FSTL5: variants seen among roughly 807,000 people sequenced by gnomAD.
FSTL5 encodes the protein follistatin like 5.
A neutral mutation model predicts 89.1 loss-of-function variants in FSTL5; 62 were observed. That is an observed-to-expected ratio of 0.70 (90% confidence interval 0.57 to 0.86). The LOEUF (loss-of-function observed/expected upper bound fraction) is 0.86, where lower values mean the gene tolerates loss of function less well. Ranked by LOEUF, FSTL5 falls within the 40% of genes least tolerant of loss-of-function variation. The pLI, the probability that FSTL5 is intolerant of heterozygous loss-of-function variation, is 0.00. For synonymous variants in FSTL5, 383 were observed against 346.2 expected (o/e 1.11, Z -1.18); for missense variants, 1,057 against 1,001.6 (o/e 1.06, Z -0.75).
intron 3 of FSTL5, among the ~76,000 whole-genome samples, chr4:161,979,875 T>A (rs573606903): frequency 6.6e-6 from 1 of 152,254 alleles, no homozygotes; most frequent in Non-Finnish European, 1.5e-5. Context: ...AATGAGTGAC[T>A]GTTTCTTGGT....
intron 12 of FSTL5, among the ~76,000 whole-genome samples, chr4:161,488,894 G>A (rs1578872887): frequency 6.6e-6 from 1 of 152,002 alleles, no homozygotes; most frequent in Non-Finnish European, 1.5e-5. Context: ...TGCATATAGG[G>A]CAAGGAGAAT....
chr4:161,569,758 A>AAC lies in FSTL5; in HGVS notation c.1015+17695_1015+17696dup, dbSNP rs56387876. Among the ~76,000 whole-genome samples the AAC allele has an allele frequency of 5.9e-3, 793 of 134,404 alleles. 4 individuals carry two copies. The highest frequency in any genetic ancestry group is 0.01 in the African/African-American group (356 of 34,202). 88.2% of individuals were successfully genotyped at this position (134,404 alleles called of 152,430 possible). On this transcript the variant is annotated intron_variant, in intron 8 of 15. Coordinates refer to ENST00000306100, the MANE Select transcript of FSTL5 (RefSeq NM_020116.5). Reference sequence around the variant, plus strand: ...ATGAGATCTTTAAGTCCAACACACAAACACACACACACACACACACACACA... The same window carrying AAC: ...ATGAGATCTTTAAGTCCAACACACAAACACACACACACACACACACACACACA...
At chr4:162,098,268 A>C (rs1026152327) in intron 2 of FSTL5, among the ~76,000 whole-genome samples, 1 of 151,990 alleles carries the variant, frequency 6.6e-6, no homozygotes, top group African/African-American at 2.4e-5. Context: ...AACAGATAAA[A>C]CTATATCATG....
intron 8 of FSTL5, among the ~76,000 whole-genome samples, chr4:161,558,882 CAT>C (rs1732486954): frequency 6.6e-6 from 1 of 151,856 alleles, no homozygotes; most frequent in South Asian, 2.1e-4. Flanking sequence ...TTTATGGCAA[CAT>C]ATTTATTATC....
At position 162,153,687 on chromosome 4, in the gene FSTL5, A is replaced by AATATATGTATATTATATATGTAT. The variant is rs1561048877; in HGVS notation, c.-17+9927_-17+9928insATACATATATAATATACATATAT. 7.5e-4 allele frequency among the ~76,000 whole-genome samples: 96 copies of AATATATGTATATTATATATGTAT among 128,654 alleles called. 2 individuals carry two copies. The highest frequency in any genetic ancestry group is 2.5e-3 in the African/African-American group (88 of 34,644). 84.4% of individuals were successfully genotyped at this position (128,654 alleles called of 152,430 possible). Reference sequence around the variant, plus strand: ...ATATATGTATATTATATATGTATATAATAATATATATGTATATTATATATG... The same window carrying AATATATGTATATTATATATGTAT: ...ATATATGTATATTATATATGTATATAATATATGTATATTATATATGTATATAATATATATGTATATTATATATG... On this transcript the variant is annotated intron_variant, in intron 1 of 15. Coordinates refer to ENST00000306100, the MANE Select transcript of FSTL5 (RefSeq NM_020116.5).
intron 2 of FSTL5, among the ~76,000 whole-genome samples, chr4:162,066,370 T>TCTTCTTCTTCTTCTTCTC (rs1190278977): frequency 8.0e-5 from 11 of 137,738 alleles, no homozygotes; most frequent in Non-Finnish European, 1.4e-4. Flanking sequence ...TTCTTCTTCT[T>TCTTCTTCTTCTTCTTCTC]CTCCTTCTTC....
At chr4:162,019,459 T>C (rs1406084832) in intron 3 of FSTL5, among the ~76,000 whole-genome samples, 1 of 152,070 alleles carries the variant, frequency 6.6e-6, no homozygotes. Context: ...ATATATTTCC[T>C]ATTATTTATA....
chr4:162,067,424 G>T (rs958306969), intron 2 of FSTL5, among the ~76,000 whole-genome samples: 2 of 151,972 alleles, frequency 1.3e-5, no homozygotes, highest in Non-Finnish European at 2.9e-5. Flanking sequence ...TTGCTATTGT[G>T]AATTATGCTG....
At chr4:161,861,725 C>A (rs896108421) in intron 4 of FSTL5, among the ~76,000 whole-genome samples, 1 of 152,152 alleles carries the variant, frequency 6.6e-6, no homozygotes, top group Non-Finnish European at 1.5e-5. Context: ...TTATTTCAAG[C>A]AATCTTTGGA....
At chr4:161,677,954 A>T (rs1737364476) in intron 6 of FSTL5, among the ~76,000 whole-genome samples, 1 of 151,756 alleles carries the variant, frequency 6.6e-6, no homozygotes, top group Admixed American at 6.6e-5. Context: ...CACACCATAG[A>T]TATATATATT....
chr4:161,829,200 A>G (rs1379358525), intron 4 of FSTL5, among the ~76,000 whole-genome samples: 1 of 148,182 alleles, frequency 6.7e-6, no homozygotes, highest in African/African-American at 2.4e-5. Context: ...AATATAGTCT[A>G]TGTTATATAA....
intron 15 of FSTL5, among the ~76,000 whole-genome samples, chr4:161,399,415 AT>A (rs1370368319): frequency 2.6e-5 from 4 of 152,142 alleles, no homozygotes; most frequent in Non-Finnish European, 5.9e-5. Flanking sequence ...GAAAATCATA[AT>A]GAAGAGAAAA....
At chr4:161,851,124 T>A (rs1212335213) in intron 4 of FSTL5, among the ~76,000 whole-genome samples, 3 of 152,222 alleles carry the variant, frequency 2.0e-5, no homozygotes, top group Non-Finnish European at 4.4e-5. Context: ...AATCTGGTCT[T>A]CTCTAGTAAT....
chr4:162,053,667 T>C (rs1388671404), intron 2 of FSTL5, among the ~76,000 whole-genome samples: 2 of 151,790 alleles, frequency 1.3e-5, no homozygotes, highest in Admixed American at 1.3e-4. Flanking sequence ...AAGATCCTTT[T>C]ATATGAATGA....
intron 15 of FSTL5, among the ~76,000 whole-genome samples, chr4:161,418,541 CA>C (rs1384775642): frequency 6.6e-6 from 1 of 151,994 alleles, no homozygotes; most frequent in Non-Finnish European, 1.5e-5. Context: ...ACTAATTCAC[CA>C]AAAGTTTGAT....
At chr4:161,938,202 T>C (rs981726369) in intron 3 of FSTL5, among the ~76,000 whole-genome samples, 2 of 152,114 alleles carry the variant, frequency 1.3e-5, no homozygotes, top group African/African-American at 4.8e-5. Context: ...TTGTTTACTA[T>C]TGACACTCAA....
At chr4:162,129,531 A>G (rs1732215269) in intron 1 of FSTL5, among the ~76,000 whole-genome samples, 1 of 152,236 alleles carries the variant, frequency 6.6e-6, no homozygotes, top group Non-Finnish European at 1.5e-5. Flanking sequence ...AATCAAAAAT[A>G]TCAACAGAAC....
chr4:161,863,159 T>G (rs1054125212), intron 4 of FSTL5, among the ~76,000 whole-genome samples: 2 of 152,194 alleles, frequency 1.3e-5, no homozygotes, highest in Non-Finnish European at 2.9e-5. Flanking sequence ...TTAACAGGTA[T>G]GAAGCAAGAA....
At chr4:161,532,369 T>C (rs1306683466) in intron 10 of FSTL5, among the ~76,000 whole-genome samples, 2 of 152,010 alleles carry the variant, frequency 1.3e-5, no homozygotes, top group Non-Finnish European at 2.9e-5. Flanking sequence ...CCCAGAGAGG[T>C]CATGTAGTAC....
Sources: gnomAD v4.1 joint callset for allele counts (sites outside exome capture counted in the v4.1 genomes callset) on GRCh38, gnomAD v4.1.1 for gene constraint, MANE v1.5 for transcripts, NCBI Gene and HGNC (gene_info 2026-07-23, HGNC 2026-07-21) for gene names.